PIK3R1: variants seen among roughly 807,000 people sequenced by gnomAD.
The protein encoded by PIK3R1 is phosphatidylinositol 3-kinase regulatory subunit alpha.
A neutral mutation model predicts 98.0 loss-of-function variants in PIK3R1; 29 were observed. That is an observed-to-expected ratio of 0.30 (90% CI 0.22 to 0.40). The LOEUF is 0.40. PIK3R1 is among the 10% of genes least tolerant of loss of function. The pLI is 1.00. For missense variants in PIK3R1, 596 were observed against 872.7 expected, an observed-to-expected ratio of 0.68 and a Z score of 3.99; for synonymous variants, 282 against 311.8, an observed-to-expected ratio of 0.90 and a Z score of 1.01.
At chr5:68,292,394 T>TTTAGATTA in intron 8 of PIK3R1, 33 bp downstream of exon 8, 1 of 1,546,896 alleles carries the variant, frequency 6.5e-7, no homozygotes, top group Non-Finnish European at 8.9e-7. Flanking sequence ...TTCAGAGAGT[T>TTTAGATTA]TTAGATTAAA....
At position 68,298,120 on chromosome 5, in the gene PIK3R1, G is replaced by A. The variant is rs1747835789; in HGVS notation, c.*519G>A. The A allele has an allele frequency of 8.7e-6, 2 of 230,714 alleles. No individual in the cohort carries two copies. Among genetic ancestry groups the A allele is most frequent in the East Asian group, 6.2e-5 (1 of 16,166 alleles). The allele number at this position is 230,714 out of a possible 1,614,324, so 14.3% of individuals were successfully genotyped here. On this transcript the variant is annotated 3_prime_UTR_variant, in exon 16 of 16. Coordinates refer to ENST00000521381, the MANE Select transcript of PIK3R1 (RefSeq NM_181523.3). ...TTATTTCATTTTGTAACAAATGAACGATATGTAGCAGAAAGGCACGTCCAC... is the reference window on the plus strand; with the variant it reads ...TTATTTCATTTTGTAACAAATGAACAATATGTAGCAGAAAGGCACGTCCAC...
intron 2 of PIK3R1, 91 bp from the exon 3 acceptor site, chr5:68,273,299 T>A: frequency 1.7e-6 from 2 of 1,194,126 alleles, no homozygotes; most frequent in Non-Finnish European, 2.5e-6. Context: ...TCGGGCCTGA[T>A]GTAATTAAAT....
rs536449847 is a variant in PIK3R1, at chr5:68,290,619, G to A, written c.917-1640G>A. On this transcript the variant is annotated intron_variant, in intron 7 of 15. Coordinates refer to ENST00000521381, the MANE Select transcript of PIK3R1 (RefSeq NM_181523.3). ...ATTGGCTGGGGCGTGTGATGTAATA[G>A]GTTTCAGTGCAGCCCCTTATAGGTT... 10 of 1,407,458 alleles carry A rather than the reference G, an allele frequency of 7.1e-6. No individual in the cohort carries two copies. The African/African-American group carries it at 1.3e-4, about 19-fold the overall frequency. 87.2% of individuals were successfully genotyped at this position (1,407,458 alleles called of 1,614,324 possible).
intron 2 of PIK3R1, among the ~76,000 whole-genome samples, chr5:68,262,493 TAC>T (rs1277580818): frequency 7.1e-6 from 1 of 140,146 alleles, no homozygotes; most frequent in African/African-American, 2.6e-5. Context: ...TCTATATGTA[TAC>T]ATATATCTAT....
chr5:68,280,448 A>G, intron 5 of PIK3R1, 80 bp from the exon 6 acceptor site: 1 of 971,804 alleles, frequency 1.0e-6, no homozygotes, highest in Non-Finnish European at 1.6e-6. Context: ...AAAGAGCAGA[A>G]CTTTTCTAGG....
Position 68,246,314 on chromosome 5 carries a change from T to TA in PIK3R1, c.334+19305_334+19306insA, listed in dbSNP as rs201097691. Among the ~76,000 whole-genome samples, 51 of 23,762 alleles carry TA rather than the reference T, an allele frequency of 2.1e-3. 1 individual carries two copies. The highest frequency in any genetic ancestry group is 5.8e-3 in the African/African-American group (9 of 1,556). The allele number at this position is 23,762 out of a possible 152,430, so 15.6% of individuals were successfully genotyped here. ...TTGCTTTGTCCACTTGGTGTGTATA[T>TA]TTTTTTTTTTTTTTTTTGAGACAGA... On this transcript the variant is annotated intron_variant, in intron 2 of 15. Transcript: ENST00000521381.
At position 68,262,106 on chromosome 5, in the gene PIK3R1, T is replaced by C. The variant is rs371316852; in HGVS notation, c.335-11284T>C. Among the ~76,000 whole-genome samples, 15 of 152,276 alleles carry C rather than the reference T, an allele frequency of 9.9e-5. No homozygotes were observed. In the South Asian group the frequency reaches 2.7e-3, roughly 27 times the overall value. On this transcript the variant is annotated intron_variant, in intron 2 of 15. Transcript: ENST00000521381. Reference sequence around the variant, plus strand: ...ACTTTCATTATAGGAAGCCAACATTTTGCTGTGTTCAATCTACAGATTGTT... The same window carrying C: ...ACTTTCATTATAGGAAGCCAACATTCTGCTGTGTTCAATCTACAGATTGTT...
chr5:68,234,737 A>G (rs2111994383), intron 2 of PIK3R1, among the ~76,000 whole-genome samples: 1 of 152,302 alleles, frequency 6.6e-6, no homozygotes, highest in South Asian at 2.1e-4. Context: ...TTCCAAGGTA[A>G]GTAGAGAGTG....
chr5:68,237,715 T>C (rs1048595110), intron 2 of PIK3R1, among the ~76,000 whole-genome samples: 3 of 150,306 alleles, frequency 2.0e-5, no homozygotes, highest in African/African-American at 4.9e-5. Context: ...CCTAAGAAGA[T>C]AGGAAGAAAA....
chr5:68,239,755 G>A (rs919355843), intron 2 of PIK3R1: 2 of 428,292 alleles, frequency 4.7e-6, no homozygotes, highest in Admixed American at 2.9e-5. Context: ...CGGAGCCAAA[G>A]GCAGATGACT....
intron 2 of PIK3R1, among the ~76,000 whole-genome samples, chr5:68,235,042 A>C (rs944467129): frequency 2.6e-5 from 4 of 152,166 alleles, no homozygotes; most frequent in East Asian, 1.9e-4. Context: ...ATTAGATATA[A>C]TATGTTAACT....
At chr5:68,269,055 C>T (rs1049209392) in intron 2 of PIK3R1, among the ~76,000 whole-genome samples, 1 of 152,208 alleles carries the variant, frequency 6.6e-6, no homozygotes, top group African/African-American at 2.4e-5. Context: ...TTCCTACAAC[C>T]TGGGACACCT....
intron 1 of PIK3R1, among the ~76,000 whole-genome samples, chr5:68,224,609 C>T (rs966819030): frequency 2.0e-5 from 3 of 152,158 alleles, no homozygotes; most frequent in African/African-American, 7.2e-5. Context: ...CCTCCACTGA[C>T]GAGTGCCTGT....
intron 2 of PIK3R1, among the ~76,000 whole-genome samples, chr5:68,272,096 T>C (rs1356159748): frequency 6.6e-6 from 1 of 151,348 alleles, no homozygotes; most frequent in Non-Finnish European, 1.5e-5. Context: ...ACTAAAAATA[T>C]ACAAAAAATT....
intron 4 of PIK3R1, among the ~76,000 whole-genome samples, chr5:68,276,981 A>G (rs1746596698): frequency 6.6e-6 from 1 of 152,086 alleles, no homozygotes. Flanking sequence ...CTATGATTAT[A>G]CTCCTTGGGA....
intron 2 of PIK3R1, among the ~76,000 whole-genome samples, chr5:68,254,848 T>A (rs397785256): frequency 0.013 from 1,942 of 144,774 alleles, 14 homozygotes; most frequent in Middle Eastern, 0.025. Flanking sequence ...TTTTTTTTTT[T>A]ATGATGCAAA....
chr5:68,281,269 A>C (rs1746823915), intron 7 of PIK3R1, among the ~76,000 whole-genome samples: 1 of 152,200 alleles, frequency 6.6e-6, no homozygotes, highest in South Asian at 2.1e-4. Flanking sequence ...TTCAACATTT[A>C]TGCTTCAGGT....
intron 2 of PIK3R1, among the ~76,000 whole-genome samples, chr5:68,248,906 A>T (rs143352715): frequency 7.9e-4 from 120 of 152,338 alleles, no homozygotes; most frequent in African/African-American, 2.7e-3. Flanking sequence ...TAATAAACCA[A>T]GAGATATTTT....
rs1747988198 is a variant in PIK3R1, at chr5:68,300,630, A to G, written c.*3029A>G. The G allele has an allele frequency of 4.3e-6, 1 of 233,184 alleles. No individual in the cohort carries two copies. Among genetic ancestry groups the G allele is most frequent in the Admixed American group, 5.6e-5 (1 of 17,782 alleles). The allele number at this position is 233,184 out of a possible 1,614,324, so 14.4% of individuals were successfully genotyped here. A position where few individuals can be genotyped will look rare whatever the true frequency, so the allele number is the denominator to read the frequency against. The stretch of plus-strand genomic sequence containing the variant: ...TTCATGGCCTTTGATAAATGTATAT[A>G]TGTATATGTGCATGGACTGTGTTTC... On this transcript the variant is annotated 3_prime_UTR_variant, in exon 16 of 16. Transcript: ENST00000521381.
Sources: allele counts gnomAD v4.1 joint callset (sites outside exome capture counted in the v4.1 genomes callset), GRCh38; gene constraint gnomAD v4.1.1; transcripts MANE v1.5; gene names NCBI Gene and HGNC (gene_info 2026-07-23, HGNC 2026-07-21).